The following CNOT2 variants were observed in gnomAD, a reference collection of about 807,000 sequenced individuals.
CNOT2 encodes the protein CCR4-NOT transcription complex subunit 2.
Under a neutral mutation model 72.1 loss-of-function variants are expected in CNOT2, and 7 were observed. The observed-to-expected ratio is 0.10, with a 90% CI of 0.06 to 0.18. The LOEUF (loss-of-function observed/expected upper bound fraction) is 0.18, where lower values mean the gene tolerates loss of function less well. Among genes scored for constraint, CNOT2 ranks in the 10% least tolerant of loss-of-function variants. The pLI is 1.00. For missense variants in CNOT2, 345 were observed against 660.3 expected (o/e 0.52, Z 5.23); for synonymous variants, 196 against 225.6 (o/e 0.87, Z 1.17).
At chr12:70,288,555 C>A (rs1379796599) in intron 2 of CNOT2, among the ~76,000 whole-genome samples, 1 of 152,166 alleles carries the variant, frequency 6.6e-6, no homozygotes, top group Non-Finnish European at 1.5e-5. Context: ...CTTTTACTCT[C>A]ATTTAAGGGT....
intron 2 of CNOT2, among the ~76,000 whole-genome samples, chr12:70,279,118 T>C (rs1333003380): frequency 6.6e-6 from 1 of 152,202 alleles, no homozygotes; most frequent in Non-Finnish European, 1.5e-5. Context: ...CCACACTTCC[T>C]TTCACTCATC....
At chr12:70,250,953 AT>A (rs1162542038) in intron 1 of CNOT2, among the ~76,000 whole-genome samples, 1 of 152,094 alleles carries the variant, frequency 6.6e-6, no homozygotes, top group Non-Finnish European at 1.5e-5. Context: ...AGGAGGGATT[AT>A]TTTTTATTAA....
Position 70,353,810 on chromosome 12 carries a change from C to G in CNOT2, c.1537-19C>G. The stretch of plus-strand genomic sequence containing the variant: ...ATGAAAAGGGGAAGATATCTAAATT[C>G]TTGAATTTGTTTTTATAGGAGTTCC... On this transcript the variant is annotated intron_variant, in intron 15 of 15. Coordinates refer to ENST00000229195, the MANE Select transcript of CNOT2 (RefSeq NM_014515.7). 1.3e-6 allele frequency: 2 copies of G among 1,558,556 alleles called. No homozygotes were observed. The highest frequency in any genetic ancestry group is 1.7e-6 in the Non-Finnish European group (2 of 1,155,038).
At chr12:70,319,481 ATGT>A in intron 4 of CNOT2, 117 bp downstream of exon 4, 1 of 963,076 alleles carries the variant, frequency 1.0e-6, no homozygotes, top group Non-Finnish European at 1.6e-6. Context: ...AAAAGGAAAA[ATGT>A]TTAATTTTCA....
intron 6 of CNOT2, chr12:70,331,685 C>T (rs1174948714): frequency 6.6e-6 from 1 of 151,734 alleles, no homozygotes; most frequent in Non-Finnish European, 1.5e-5. Flanking sequence ...TGCTATTAAA[C>T]AAAAATTTCC....
Position 70,278,267 on chromosome 12 carries a change from A to G in CNOT2, c.41A>G (p.Asn14Ser), listed in dbSNP as rs1258268631. ...GGACATACATTATCTGAGAAAAGAA[A>G]CTACCAGGTAAGACCAGTCTTTCTT... ...TDGHTLSEKR[N>S]YQVTNSMFGA... The change falls in exon 2 of 16, where the codon AAC (asparagine) becomes AGC (serine). Residue 14 changes from asparagine to serine, a missense_variant. Asn to Ser is a conservative substitution (Grantham distance 46). Transcript: ENST00000229195. 2.5e-6 allele frequency: 4 copies of G among 1,608,204 alleles called. No homozygotes were observed. The highest frequency in any genetic ancestry group is 3.4e-6 in the Non-Finnish European group (4 of 1,174,644).
At chr12:70,247,027 A>T (rs1270184240) in intron 1 of CNOT2, among the ~76,000 whole-genome samples, 1 of 152,154 alleles carries the variant, frequency 6.6e-6, no homozygotes, top group African/African-American at 2.4e-5. Context: ...ATTATTTAGG[A>T]AAAAATGGGA....
At chr12:70,314,436 G>A (rs1012680553) in intron 3 of CNOT2, among the ~76,000 whole-genome samples, 1 of 152,012 alleles carries the variant, frequency 6.6e-6, no homozygotes, top group African/African-American at 2.4e-5. Context: ...TGTGAGGGGG[G>A]CACTGAAGTG....
At chr12:70,305,751 C>A (rs1006110899) in intron 2 of CNOT2, among the ~76,000 whole-genome samples, 1 of 151,974 alleles carries the variant, frequency 6.6e-6, no homozygotes, top group African/African-American at 2.4e-5. Context: ...TAGGTGTATC[C>A]TCTGTGTATC....
chr12:70,252,672 C>G (rs1027042517), intron 1 of CNOT2, among the ~76,000 whole-genome samples: 3 of 152,100 alleles, frequency 2.0e-5, no homozygotes, highest in Admixed American at 6.5e-5. Flanking sequence ...CTGGAACTAA[C>G]CAGCCTGAAA....
At chr12:70,332,869 A>G in intron 7 of CNOT2, 23 bp downstream of exon 7, 1 of 1,569,592 alleles carries the variant, frequency 6.4e-7, no homozygotes, top group Non-Finnish European at 8.6e-7. Flanking sequence ...TGGAGCTAGT[A>G]CCCTACAAAA....
intron 2 of CNOT2, among the ~76,000 whole-genome samples, chr12:70,292,031 A>G (rs1565775587): frequency 6.6e-6 from 1 of 152,226 alleles, no homozygotes; most frequent in Non-Finnish European, 1.5e-5. Flanking sequence ...GTAAGGGCAG[A>G]CAGGTATTTG....
chr12:70,325,073 A>G (rs945181537), intron 4 of CNOT2, among the ~76,000 whole-genome samples: 1 of 151,798 alleles, frequency 6.6e-6, no homozygotes, highest in African/African-American at 2.4e-5. Flanking sequence ...GCACTTATTT[A>G]TTTTTAAGTA....
At chr12:70,254,632 G>T (rs1026412936) in intron 1 of CNOT2, among the ~76,000 whole-genome samples, 5 of 152,094 alleles carry the variant, frequency 3.3e-5, no homozygotes, top group African/African-American at 1.2e-4. Flanking sequence ...TTTTTACCTG[G>T]TGATGCTGCT....
chr12:70,329,480 G>A lies in CNOT2; in HGVS notation c.296G>A (p.Ser99Asn), dbSNP rs139092321. The change falls in exon 5 of 16, where the codon AGC becomes AAC. Residue 99 changes from serine (S) to asparagine (N), a missense_variant. Ser to Asn is a conservative substitution (Grantham distance 46). Transcript: ENST00000229195. Reference protein sequence around the residue: ...MSNNTPQLNRSLSQGTQLPSH... With the variant: ...MSNNTPQLNRNLSQGTQLPSH... ...AACAATACCCCTCAGTTAAATCGCA[G>A]CTTATCACAAGGCACTCAGTTACCG... The A allele has an allele frequency of 1.7e-4, 271 of 1,611,928 alleles. No homozygotes were observed. In the African/African-American group the frequency reaches 3.3e-3, roughly 20 times the overall value.
intron 2 of CNOT2, among the ~76,000 whole-genome samples, chr12:70,296,654 G>A (rs1448254423): frequency 7.7e-5 from 11 of 143,218 alleles, no homozygotes; most frequent in Admixed American, 6.9e-5. Context: ...CACATGAAGA[G>A]TTTTTTTTTT....
At chr12:70,279,864 C>T (rs1168181454) in intron 2 of CNOT2, among the ~76,000 whole-genome samples, 3 of 148,768 alleles carry the variant, frequency 2.0e-5, no homozygotes, top group East Asian at 1.9e-4. Flanking sequence ...GCTCTTTCTA[C>T]ACTAAAAGTA....
chr12:70,299,492 C>T (rs562049919), intron 2 of CNOT2, among the ~76,000 whole-genome samples: 10 of 150,632 alleles, frequency 6.6e-5, no homozygotes, highest in South Asian at 6.3e-4. Flanking sequence ...TTTGTCCTTG[C>T]GATAGTTTGC....
chr12:70,291,486 G>A (rs1458854691), intron 2 of CNOT2, among the ~76,000 whole-genome samples: 7 of 152,172 alleles, frequency 4.6e-5, no homozygotes, highest in African/African-American at 1.7e-4. Context: ...TTTAGTTTGA[G>A]CCACTAGTCT....
Sources: allele counts gnomAD v4.1 joint callset (sites outside exome capture counted in the v4.1 genomes callset), GRCh38; gene constraint gnomAD v4.1.1; transcripts MANE v1.5; gene names NCBI Gene and HGNC (gene_info 2026-07-23, HGNC 2026-07-21).